Variants in KLF15 observed in about 807,000 individuals in gnomAD.
The protein encoded by KLF15 is Krueppel-like factor 15.
Under a neutral mutation model 24.6 loss-of-function variants are expected in KLF15, and 4 were observed. The ratio of observed to expected loss-of-function variants is 0.16; its 90% CI spans 0.08 to 0.37. The LOEUF (loss-of-function observed/expected upper bound fraction) is 0.37. Ranked by LOEUF, KLF15 falls within the 10% of genes least tolerant of loss-of-function variation. The pLI is 1.00. For missense variants in KLF15, 496 were observed against 560.6 expected, an observed-to-expected ratio of 0.88 and a Z score of 1.16; for synonymous variants, 246 against 236.3, an observed-to-expected ratio of 1.04 and a Z score of -0.37.
chr3:126,337,432 G>A, the KLF15 span, among the ~76,000 whole-genome samples: 6 of 115,358 alleles, frequency 5.2e-5, no homozygotes, highest in South Asian at 3.8e-4. Flanking sequence ...GTTGTGGGGT[G>A]GGGGGAGGGG....
At chr3:126,310,663 C>G in the KLF15 span, among the ~76,000 whole-genome samples, 2 of 152,094 alleles carry the variant, frequency 1.3e-5, no homozygotes, top group Admixed American at 1.3e-4. Context: ...GCCACCTTCT[C>G]CCTGTGTCCT....
At chr3:126,330,470 C>T in the KLF15 span, among the ~76,000 whole-genome samples, 16 of 152,080 alleles carry the variant, frequency 1.1e-4, no homozygotes, top group African/African-American at 2.7e-4. Flanking sequence ...TCGGCCCTTC[C>T]GGACAGATAA....
At chr3:126,321,034 G>A in the KLF15 span, among the ~76,000 whole-genome samples, 4 of 151,932 alleles carry the variant, frequency 2.6e-5, no homozygotes, top group South Asian at 4.2e-4. Context: ...TGGAGCTGGC[G>A]GGGACTTGAT....
the KLF15 span, among the ~76,000 whole-genome samples, chr3:126,330,905 A>G: frequency 6.6e-6 from 1 of 152,212 alleles, no homozygotes; most frequent in Non-Finnish European, 1.5e-5. Context: ...AAAGAATGAG[A>G]ACATCTCTCT....
At chr3:126,295,632 G>T in the KLF15 span, among the ~76,000 whole-genome samples, 1 of 152,134 alleles carries the variant, frequency 6.6e-6, no homozygotes, top group Non-Finnish European at 1.5e-5. Flanking sequence ...CTACCAACAA[G>T]TGAGACTGTC....
chr3:126,295,392 C>T, the KLF15 span, among the ~76,000 whole-genome samples: 1 of 152,238 alleles, frequency 6.6e-6, no homozygotes, highest in African/African-American at 2.4e-5. Context: ...GAACTACATC[C>T]AGGCCTTTGC....
At position 126,343,878 on chromosome 3, in the gene KLF15, T is replaced by C; in HGVS notation, c.1100A>G (p.Glu367Gly). ...GCGWRFSRSD[E>G]LSRHRRSHSG... ...GTGCGAGCGCCTGTGCCGCGACAGC[T>C]CGTCAGAGCGCGAGAACCTGCGGGA... Residue 367 changes from glutamate (E) to glycine (G), a missense_variant, in exon 3 of 3, where the codon GAG (glutamate) becomes GGG (glycine). Transcript: ENST00000296233. The C allele has an allele frequency of 6.3e-7, 1 of 1,594,196 alleles. No homozygotes were observed. The highest frequency in any genetic ancestry group is 8.5e-7 in the Non-Finnish European group (1 of 1,171,268).
the KLF15 span, among the ~76,000 whole-genome samples, chr3:126,322,036 T>C: frequency 6.6e-6 from 1 of 152,188 alleles, no homozygotes; most frequent in Non-Finnish European, 1.5e-5. Context: ...TCCATCACTG[T>C]AGCTGAAATG....
chr3:126,351,788 G>A (rs988410214), intron 2 of KLF15, 53 bp downstream of exon 2: 1 of 1,467,212 alleles, frequency 6.8e-7, no homozygotes, highest in Non-Finnish European at 9.1e-7. Context: ...ACCCAAGTAA[G>A]CAGACATGAG....
chr3:126,328,650 G>C, the KLF15 span, among the ~76,000 whole-genome samples: 1 of 151,960 alleles, frequency 6.6e-6, no homozygotes, highest in African/African-American at 2.4e-5. Flanking sequence ...GATGAAGTTT[G>C]CCAAATTATC....
At chr3:126,345,822 G>A (rs1372550104) in intron 2 of KLF15, among the ~76,000 whole-genome samples, 1 of 152,200 alleles carries the variant, frequency 6.6e-6, no homozygotes, top group African/African-American at 2.4e-5. Context: ...GAGGAGACAG[G>A]AACTCCGACT....
In KLF15 at chr3:126,356,080, G is replaced by A. The variant is rs948363798; in HGVS notation, c.-26+1157C>T. 6.6e-6 allele frequency among the ~76,000 whole-genome samples: 1 copy of A among 152,188 alleles called. No individual in the cohort carries two copies. The highest frequency in any genetic ancestry group is 1.5e-5 in the Non-Finnish European group (1 of 68,034). On this transcript the variant is annotated intron_variant, in intron 1 of 2. Coordinates refer to ENST00000296233, the MANE Select transcript of KLF15 (RefSeq NM_014079.4). The surrounding 1 kb of genome is among the most constrained non-coding windows in gnomAD (Gnocchi z 4.4). Reference sequence around the variant, plus strand: ...TGTTTATCCTCCCGGGGACACAGCGGCTGCAGGAACAACATGTAATTGATA... The same window carrying A: ...TGTTTATCCTCCCGGGGACACAGCGACTGCAGGAACAACATGTAATTGATA...
At chr3:126,319,420 T>C in the KLF15 span, among the ~76,000 whole-genome samples, 7 of 152,370 alleles carry the variant, frequency 4.6e-5, no homozygotes, top group South Asian at 1.0e-3. Context: ...GACTGAGAGT[T>C]GCTCCACATC....
chr3:126,338,268 C>G (rs1460592271), downstream of KLF15, among the ~76,000 whole-genome samples: 2 of 152,228 alleles, frequency 1.3e-5, no homozygotes, highest in Non-Finnish European at 2.9e-5. Context: ...AGGGTGTCCT[C>G]TGATGGGCAG....
At chr3:126,318,591 G>A in the KLF15 span, among the ~76,000 whole-genome samples, 81 of 152,268 alleles carry the variant, frequency 5.3e-4, no homozygotes, top group East Asian at 4.2e-3. Context: ...CTCTAGGGAC[G>A]ATTTAAGAAA....
chr3:126,326,158 C>T, the KLF15 span, among the ~76,000 whole-genome samples: 2 of 97,394 alleles, frequency 2.1e-5, no homozygotes, highest in African/African-American at 8.3e-5. Context: ...CTGTTCTGTT[C>T]CATTGATCTA....
At chr3:126,337,718 G>A (rs1193968851), downstream of KLF15, among the ~76,000 whole-genome samples, 1 of 152,186 alleles carries the variant, frequency 6.6e-6, no homozygotes, top group African/African-American at 2.4e-5. Flanking sequence ...AACTACAGCT[G>A]TTGCTCTCTG....
the KLF15 span, chr3:126,288,350 G>C: frequency 2.0e-5 from 3 of 152,222 alleles, no homozygotes; most frequent in Non-Finnish European, 4.4e-5. Flanking sequence ...CCCAGGCTCC[G>C]GCAAGCCGTG....
At chr3:126,334,197 A>G in the KLF15 span, among the ~76,000 whole-genome samples, 1 of 152,136 alleles carries the variant, frequency 6.6e-6, no homozygotes, top group Non-Finnish European at 1.5e-5. Flanking sequence ...GCAAATGTAA[A>G]AGAACAGAAA....
Sources: allele counts gnomAD v4.1 joint callset (sites outside exome capture counted in the v4.1 genomes callset), GRCh38; gene constraint gnomAD v4.1.1; non-coding constraint Gnocchi (gnomAD v3.1); transcripts MANE v1.5; gene names NCBI Gene and HGNC (gene_info 2026-07-23, HGNC 2026-07-21).